Variants in NUP210L observed in about 807,000 individuals in gnomAD.
NUP210L encodes the protein nucleoporin 210 like.
NUP210L carries 74 observed loss-of-function variants against 208.5 expected under a neutral mutation model. The ratio of observed to expected loss-of-function variants is 0.35; its 90% confidence interval spans 0.29 to 0.43. The LOEUF (loss-of-function observed/expected upper bound fraction) is 0.43, where lower values mean the gene tolerates loss of function less well. Among genes scored for constraint, NUP210L ranks in the 20% least tolerant of loss-of-function variants. The pLI is 1.00. For synonymous variants in NUP210L, 780 were observed against 816.9 expected (o/e 0.95, Z 0.77); for missense variants, 1,843 against 2,289.4 (o/e 0.81, Z 3.98).
At chr1:154,143,558 G>C (rs374184571) in exon 3 of NUP210L, 14 of 1,613,352 alleles carry the variant, frequency 8.7e-6, no homozygotes, top group African/African-American at 1.3e-5. Context: ...TAACATCACA[G>C]CGTAGCTCAT....
chr1:154,099,447 A>G (rs1041213796), intron 14 of NUP210L, among the ~76,000 whole-genome samples: 2 of 152,166 alleles, frequency 1.3e-5, no homozygotes, highest in Admixed American at 6.5e-5. Context: ...GCTGCTCCAG[A>G]CAGGCTGCCA....
chr1:154,125,537 G>A (rs1371677667), intron 10 of NUP210L, among the ~76,000 whole-genome samples: 4 of 150,048 alleles, frequency 2.7e-5, no homozygotes, highest in East Asian at 4.0e-4. Flanking sequence ...TGGGAGGATT[G>A]CTTGAGCCTG....
At chr1:154,114,363 G>T (rs78383556) in intron 12 of NUP210L, among the ~76,000 whole-genome samples, 10,327 of 152,070 alleles carry the variant, frequency 0.068, 396 homozygotes, top group South Asian at 0.15. Context: ...TCTTCTGCTA[G>T]TTCCTCTTCC....
At chr1:154,004,482 C>T (rs1650394363) in intron 35 of NUP210L, among the ~76,000 whole-genome samples, 1 of 152,092 alleles carries the variant, frequency 6.6e-6, no homozygotes, top group South Asian at 2.1e-4. Context: ...ATTCTCCTGC[C>T]TCAGCCTCCC....
At chr1:154,078,181 C>T (rs991042747) in intron 16 of NUP210L, among the ~76,000 whole-genome samples, 3 of 149,512 alleles carry the variant, frequency 2.0e-5, no homozygotes, top group African/African-American at 7.4e-5. Context: ...GGCACAGTGG[C>T]GTGCGTGTAC....
chr1:154,135,651 G>C (rs1346604726), intron 7 of NUP210L, among the ~76,000 whole-genome samples, 163 bp downstream of exon 7: 1 of 151,858 alleles, frequency 6.6e-6, no homozygotes, highest in Non-Finnish European at 1.5e-5. Context: ...TCGATCTCCT[G>C]ACCTTGTGAT....
intron 12 of NUP210L, among the ~76,000 whole-genome samples, chr1:154,112,648 G>T (rs1211517373): frequency 1.3e-5 from 2 of 152,018 alleles, no homozygotes; most frequent in Admixed American, 6.6e-5. Context: ...TTGAGCCCAG[G>T]AGTTCAAGTC....
exon 4 of NUP210L, chr1:154,141,487 C>G: frequency 6.2e-7 from 1 of 1,612,910 alleles, no homozygotes; most frequent in South Asian, 1.1e-5. Context: ...CAATGCTCCA[C>G]TCAAACATCA....
At chr1:154,095,882 G>C (rs1325606703) in intron 14 of NUP210L, among the ~76,000 whole-genome samples, 2 of 152,192 alleles carry the variant, frequency 1.3e-5, no homozygotes, top group African/African-American at 4.8e-5. Flanking sequence ...ACTGGCATTA[G>C]GGGAATGAAG....
rs549811663 is a variant in NUP210L at position 154,113,158 on chromosome 1, A to T, written c.1620+4567T>A. 1.1e-3 allele frequency among the ~76,000 whole-genome samples: 108 copies of T among 102,250 alleles called. 1 individual carries two copies. The highest frequency in any genetic ancestry group is 3.9e-3 in the African/African-American group (105 of 27,006). 67.1% of individuals were successfully genotyped at this position (102,250 alleles called of 152,430 possible). On this transcript the variant is annotated intron_variant, in intron 12 of 39. Transcript: ENST00000368559. ...GGTGATGGGAGAGAAACCCTCTCTT[A>T]AAAAAAAAAATATATATATATATAT...
chr1:154,121,864 CA>C (rs1247137861), intron 10 of NUP210L, among the ~76,000 whole-genome samples: 65 of 128,090 alleles, frequency 5.1e-4, no homozygotes, highest in Admixed American at 7.2e-4. Context: ...GACTCCATCT[CA>C]AAAAAAAAAA....
chr1:154,013,031 C>T (rs1185622572), intron 33 of NUP210L, among the ~76,000 whole-genome samples: 2 of 110,628 alleles, frequency 1.8e-5, no homozygotes, highest in South Asian at 3.0e-4. Flanking sequence ...AAAACAAAGA[C>T]GGGGTCTTGG....
chr1:154,070,348 G>A, exon 17 of NUP210L: 1 of 1,613,616 alleles, frequency 6.2e-7, no homozygotes, highest in Non-Finnish European at 8.5e-7. Context: ...AAATGGGCTA[G>A]TGTTTCATTG....
intron 14 of NUP210L, among the ~76,000 whole-genome samples, chr1:154,098,193 C>T (rs1015749166): frequency 6.6e-6 from 1 of 152,196 alleles, no homozygotes; most frequent in Non-Finnish European, 1.5e-5. Context: ...TCCACGCTGC[C>T]ACTGGGGAAC....
In NUP210L at chr1:154,013,018, A is replaced by AAAAC. The variant is rs1553221345; in HGVS notation, c.4654-649_4654-648insGTTT. On this transcript the variant is annotated intron_variant, in intron 33 of 39. Coordinates refer to ENST00000368559, the Ensembl canonical transcript of NUP210L. ...TGAAACTCTGAATCAAAAAAAAAAA[A>AAAAC]AAAAAACAAAGACGGGGTCTTGGCC... Among the ~76,000 whole-genome samples the AAAAC allele has an allele frequency of 6.7e-5, 10 of 149,796 alleles. 1 individual carries two copies. Among genetic ancestry groups the AAAAC allele is most frequent in the African/African-American group, 2.2e-4 (9 of 40,670 alleles).
intron 6 of NUP210L, among the ~76,000 whole-genome samples, chr1:154,137,551 G>A (rs1226112468): frequency 3.7e-5 from 5 of 135,208 alleles, no homozygotes; most frequent in African/African-American, 2.7e-5. Flanking sequence ...ACTACATCTA[G>A]AAAAAAAAAA....
intron 16 of NUP210L, among the ~76,000 whole-genome samples, chr1:154,081,026 T>C (rs1362483406): frequency 6.9e-5 from 8 of 115,508 alleles, no homozygotes; most frequent in African/African-American, 2.6e-4. Context: ...AAGGAAGAAA[T>C]GGAAGAAGAG....
chr1:154,055,187 C>CTTT (rs869166431), intron 23 of NUP210L, among the ~76,000 whole-genome samples: 3 of 83,976 alleles, frequency 3.6e-5, no homozygotes, highest in South Asian at 7.4e-4. Context: ...TTCTTTCTTT[C>CTTT]TTTTTCTTTC....
At chr1:154,035,758 G>T (rs1054193761) in intron 27 of NUP210L, among the ~76,000 whole-genome samples, 3 of 148,220 alleles carry the variant, frequency 2.0e-5, no homozygotes, top group African/African-American at 7.5e-5. Context: ...TGGGGGGATG[G>T]AGTCTTACTT....
Sources: gnomAD v4.1 joint callset for allele counts (sites outside exome capture counted in the v4.1 genomes callset) on GRCh38, gnomAD v4.1.1 for gene constraint, MANE v1.5 for transcripts, NCBI Gene and HGNC (gene_info 2026-07-23, HGNC 2026-07-21) for gene names.